The following L1CAM variants were observed in gnomAD, a reference collection of about 807,000 sequenced individuals.
L1CAM encodes neural cell adhesion molecule L1.
In L1CAM, 8 loss-of-function variants were observed where a neutral mutation model predicts 93.0. The ratio of observed to expected loss-of-function variants is 0.09; its 90% CI spans 0.05 to 0.16. L1CAM has a LOEUF of 0.16. L1CAM is among the 10% of genes least tolerant of loss of function. The pLI is 1.00. For missense variants in L1CAM, 777 were observed against 1,073.4 expected (o/e 0.72, Z 3.86); for synonymous variants, 453 against 453.0 (o/e 1.00, Z 0.00).
At chrX:153,875,622 C>A (rs1180390582) in intron 2 of L1CAM, 139 bp downstream of exon 2, 10 of 583,069 alleles carry the variant, frequency 1.7e-5, no homozygotes, top group Non-Finnish European at 2.6e-5. Flanking sequence ...TCCTGGCTAT[C>A]TCCTGCCCAC....
chrX:153,879,197 G>A (rs1557095213), intron 1 of L1CAM, among the ~76,000 whole-genome samples: 1 of 110,437 alleles, frequency 9.1e-6, no homozygotes, highest in African/African-American at 3.3e-5. Flanking sequence ...TCTGCCAAGG[G>A]TGACAGACAG....
rs1192240903 is a variant in L1CAM, at chrX:153,868,743, C to T, written c.1380-16G>A. On this transcript the variant is annotated splice_polypyrimidine_tract_variant and intron_variant, in intron 12 of 28. Coordinates refer to ENST00000370060, the MANE Select transcript of L1CAM (RefSeq NM_001278116.2). ...CTCGTCCAGCCTGGAGGGAGCAGGG[C>T]GGGCCTGGCTCTGACTGGCTGGCCT... 4.1e-6 allele frequency: 5 copies of T among 1,209,889 alleles called. No individual in the cohort carries two copies. Among genetic ancestry groups the T allele is most frequent in the South Asian group, 3.5e-5 (2 of 56,872 alleles).
rs782367123 is a variant in L1CAM, at chrX:153,867,845, G to A, written c.1894C>T (p.Arg632Cys). 3.3e-6 allele frequency: 4 copies of A among 1,210,491 alleles called. No homozygotes were observed. The East Asian group carries it at 8.9e-5, about 27-fold the overall frequency. ...TCTTCTGCAGGACTCCAGGACACGC[G>A]CACCTGGCTCTGCGTCAGCAGGTGC... The part of the protein sequence containing the change: ...DLHLLTQSQV[R>C]VSWSPAEDHN... The change falls in exon 16 of 29, where the codon CGC (arginine) becomes TGC (cysteine). Residue 632 changes from arginine to cysteine, a missense_variant. Around this residue, in one of 5 missense-constraint regions of L1CAM, gnomAD observed 574 missense variants for 781.0 expected, o/e 0.73. Transcript: ENST00000370060.
intron 1 of L1CAM, among the ~76,000 whole-genome samples, chrX:153,879,787 G>A (rs931473458): frequency 6.3e-5 from 7 of 111,163 alleles, no homozygotes; most frequent in Admixed American, 5.7e-4. Flanking sequence ...GTAGGAACGG[G>A]GGGAGGGGGA....
intron 5 of L1CAM, 87 bp from the exon 6 acceptor site, chrX:153,871,266 G>GGGGGGGGGGGGGGC: frequency 4.1e-6 from 2 of 490,635 alleles, no homozygotes; most frequent in African/African-American, 2.4e-5. Context: ...GGGGTGGCGG[G>GGGGGGGGGGGGGGC]CTACACCAGG....
rs782235888 is a variant in L1CAM, at chrX:153,862,663, C to T, written c.3774G>A (p.Ter1258=). 16 of 1,203,574 alleles carry T rather than the reference C, an allele frequency of 1.3e-5. No homozygotes were observed. The highest frequency in any genetic ancestry group is 1.8e-5 in the Non-Finnish European group (16 of 888,527). The change falls in exon 29 of 29, where the codon TAG becomes TAA. Residue 1258 remains the stop codon, a stop_retained_variant. Transcript: ENST00000370060. ...ACAGCATCTCCTGTCCTGGACTCCA[C>T]TATTCTAGGGCCACGGCAGGGTTGA... is the stretch of plus-strand genomic sequence containing the variant. ...SPINPAVALE[*]
chrX:153,885,515 G>A (rs1557096738), intron 1 of L1CAM: 5 of 660,379 alleles, frequency 7.6e-6, no homozygotes, highest in Middle Eastern at 5.4e-4. Flanking sequence ...GGGGCGGAGG[G>A]GCAGGCAGCG....
chrX:153,882,086 G>A (rs2064847799), intron 1 of L1CAM, among the ~76,000 whole-genome samples: 1 of 111,219 alleles, frequency 9.0e-6, no homozygotes, highest in Admixed American at 9.4e-5. Context: ...TGGTTTGCGG[G>A]GGGCGGGGTG....
intron 2 of L1CAM, among the ~76,000 whole-genome samples, chrX:153,874,314 T>C (rs1286959661): frequency 8.9e-6 from 1 of 112,977 alleles, no homozygotes; most frequent in Non-Finnish European, 1.9e-5. Flanking sequence ...CATCTTTCTG[T>C]AGAGAATGCA....
intron 1 of L1CAM, chrX:153,885,782 G>C: frequency 1.3e-6 from 1 of 786,884 alleles, no homozygotes; most frequent in South Asian, 3.5e-5. Flanking sequence ...CCTGCCTGAC[G>C]CCCCCCGCCC....
At chrX:153,865,590 C>A in intron 20 of L1CAM, 90 bp from the exon 21 acceptor site, 1 of 1,036,323 alleles carries the variant, frequency 9.6e-7, no homozygotes, top group Admixed American at 2.2e-5. Flanking sequence ...TGGGGACCCT[C>A]CTCTCAACCC....
intron 5 of L1CAM, 131 bp downstream of exon 5, chrX:153,872,020 TG>T: frequency 1.9e-6 from 1 of 521,634 alleles, no homozygotes; most frequent in Non-Finnish European, 3.3e-6. Context: ...GGGGAGAAGC[TG>T]GGGTGGGGTG....
chrX:153,881,559 C>A (rs2064845032), intron 1 of L1CAM, among the ~76,000 whole-genome samples: 1 of 111,618 alleles, frequency 9.0e-6, no homozygotes, highest in South Asian at 3.7e-4. Context: ...GAGCTGAAGC[C>A]CGACACCAAA....
Position 153,868,833 on chromosome X carries a change from A to G in L1CAM, c.1379+8T>C, listed in dbSNP as rs782035694. 8 of 1,205,330 alleles carry G rather than the reference A, an allele frequency of 6.6e-6. No homozygotes were observed. The East Asian group carries it at 2.4e-4, about 36-fold the overall frequency. On this transcript the variant is annotated splice_region_variant and intron_variant, in intron 12 of 28. Transcript: ENST00000370060. ...CGACACTCACCACTACCAGGACGAGACACTCACCACTGAACACTGGGCACA... is the reference window on the plus strand; with the variant it reads ...CGACACTCACCACTACCAGGACGAGGCACTCACCACTGAACACTGGGCACA...
chrX:153,872,932 A>G (rs926091238), intron 3 of L1CAM: 5 of 450,266 alleles, frequency 1.1e-5, no homozygotes, highest in African/African-American at 7.3e-5. Context: ...AGGGTATGAC[A>G]GAAAGAAGCG....
At chrX:153,864,066 G>C in intron 25 of L1CAM, 49 bp from the exon 26 acceptor site, 2 of 1,206,391 alleles carry the variant, frequency 1.7e-6, no homozygotes, top group African/African-American at 1.7e-5. Context: ...GCCAGAACCC[G>C]ACCTGAGGCC....
intron 5 of L1CAM, 21 bp from the exon 6 acceptor site, chrX:153,871,200 G>A (rs1557093033): frequency 2.7e-6 from 3 of 1,105,479 alleles, no homozygotes; most frequent in Non-Finnish European, 1.2e-6. Context: ...CAGACGGGCT[G>A]ACACTCTCCT....
Position 153,863,468 on chromosome X carries a change from C to T in L1CAM, c.3530+9G>A. On this transcript the variant is annotated intron_variant, in intron 27 of 28. Coordinates refer to ENST00000370060, the MANE Select transcript of L1CAM (RefSeq NM_001278116.2). ...CTGAGTGCCAGCACCCACTCCTGCC[C>T]CGGCTCACCTGTACTCGCCGAAGGT... 8.3e-7 allele frequency: 1 copy of T among 1,210,738 alleles called. No homozygotes were observed. The highest frequency in any genetic ancestry group is 1.1e-6 in the Non-Finnish European group (1 of 894,499).
At position 153,863,351 on chromosome X, in the gene L1CAM, C is replaced by T. The variant is rs781816877; in HGVS notation, c.3542+17G>A. 4.1e-6 allele frequency: 5 copies of T among 1,209,277 alleles called. No individual in the cohort carries two copies. Among genetic ancestry groups the T allele is most frequent in the Non-Finnish European group, 4.5e-6 (4 of 893,606 alleles). Reference sequence around the variant, plus strand: ...GGAGACCTTGCTGTTGGCCCCTCCCCACCGCCCCTGCCTTACCTCTCCAGG... The same window carrying T: ...GGAGACCTTGCTGTTGGCCCCTCCCTACCGCCCCTGCCTTACCTCTCCAGG... On this transcript the variant is annotated intron_variant, in intron 28 of 28. Transcript: ENST00000370060.
Sources: allele counts gnomAD v4.1 joint callset (sites outside exome capture counted in the v4.1 genomes callset), GRCh38; gene constraint gnomAD v4.1.1; regional missense constraint gnomAD v4.1.1; transcripts MANE v1.5; gene names NCBI Gene and HGNC (gene_info 2026-07-23, HGNC 2026-07-21).